The following CNTNAP3B variants were observed in gnomAD, a reference collection of about 807,000 sequenced individuals.
The protein encoded by CNTNAP3B is contactin-associated protein-like 3B.
Under a neutral mutation model 108.9 loss-of-function variants are expected in CNTNAP3B, and 25 were observed. The observed-to-expected ratio is 0.23, with a 90% CI of 0.17 to 0.32. CNTNAP3B has a LOEUF of 0.32. Ranked by LOEUF, CNTNAP3B falls within the 10% of genes least tolerant of loss-of-function variation. The probability of loss-of-function intolerance (pLI) is 1.00; values close to 1 mark genes in which losing one functional copy is unlikely to be tolerated. For synonymous variants in CNTNAP3B, 103 were observed against 473.4 expected, an observed-to-expected ratio of 0.22 and a Z score of 10.16; for missense variants, 252 against 1,210.4, an observed-to-expected ratio of 0.21 and a Z score of 11.75.
Position 41,994,559 on chromosome 9 carries a change from C to A in CNTNAP3B, c.1071+1646G>T, listed in dbSNP as rs1421280627. The A allele has an allele frequency of 6.2e-5, 16 of 256,828 alleles. 1 individual carries two copies. In the African/African-American group the frequency reaches 8.7e-4, roughly 14 times the overall value. 15.9% of individuals were successfully genotyped at this position (256,828 alleles called of 1,614,324 possible). On this transcript the variant is annotated intron_variant, in intron 7 of 23. Transcript: ENST00000377561. ...TTTCATGTATCTTGATGGTATTTTT[C>A]ATTTTTATGATCTCAGCAGGGTGCT...
chr9:41,926,915 C>A (rs1292011796), intron 15 of CNTNAP3B: 1 of 152,338 alleles, frequency 6.6e-6, no homozygotes, highest in Non-Finnish European at 1.5e-5. Context: ...TTGAGAAGTA[C>A]AGAGTACCTA....
rs1396498076 is a variant in CNTNAP3B at position 42,116,991 on chromosome 9, T to C, written c.85+12019A>G. 4.3e-5 allele frequency among the ~76,000 whole-genome samples: 6 copies of C among 139,574 alleles called. 2 individuals are homozygous for C. Among genetic ancestry groups the C allele is most frequent in the Admixed American group, 2.1e-4 (3 of 14,042 alleles). 91.6% of individuals were successfully genotyped at this position (139,574 alleles called of 152,430 possible). On this transcript the variant is annotated intron_variant, in intron 1 of 23. Coordinates refer to ENST00000377561, the MANE Select transcript of CNTNAP3B (RefSeq NM_001201380.3). ...AAGAGTTAAATATCCTAAATATATA[T>C]GCACCCAGTACAGGAGCACCCAGAC...
chr9:42,115,426 C>T (rs1211012596), intron 1 of CNTNAP3B, among the ~76,000 whole-genome samples: 1 of 138,374 alleles, frequency 7.2e-6, no homozygotes, highest in Non-Finnish European at 1.5e-5. Context: ...TAAGTGGGTC[C>T]CTGACCCCTG....
intron 1 of CNTNAP3B, among the ~76,000 whole-genome samples, chr9:42,116,993 C>T (rs1432062399): frequency 7.2e-6 from 1 of 139,470 alleles, no homozygotes; most frequent in Non-Finnish European, 1.5e-5. Context: ...AATATATATG[C>T]ACCCAGTACA....
At chr9:42,096,755 T>C (rs1827909922) in intron 2 of CNTNAP3B, among the ~76,000 whole-genome samples, 1 of 112,964 alleles carries the variant, frequency 8.9e-6, no homozygotes, top group Non-Finnish European at 1.8e-5. Context: ...GATTCATCCC[T>C]ACATGAAAAA....
chr9:41,941,197 G>A (rs1824331889), intron 13 of CNTNAP3B, among the ~76,000 whole-genome samples: 1 of 150,762 alleles, frequency 6.6e-6, no homozygotes, highest in Admixed American at 6.6e-5. Context: ...ACCAAGCAAC[G>A]AGTAAGAAAA....
intron 13 of CNTNAP3B, among the ~76,000 whole-genome samples, chr9:41,945,471 A>G (rs1453826880): frequency 2.6e-5 from 4 of 152,304 alleles, no homozygotes; most frequent in South Asian, 2.1e-4. Context: ...TTGTAGGGCC[A>G]TGGATGAAGC....
chr9:42,042,429 G>A (rs1254672120), intron 3 of CNTNAP3B, among the ~76,000 whole-genome samples: 4 of 140,842 alleles, frequency 2.8e-5, no homozygotes, highest in South Asian at 2.3e-4. Context: ...AGTACACTCA[G>A]CAGCCCTCCA....
intron 9 of CNTNAP3B, among the ~76,000 whole-genome samples, chr9:41,973,182 C>T (rs539606835): frequency 2.1e-5 from 3 of 144,274 alleles, no homozygotes; most frequent in South Asian, 2.4e-4. Flanking sequence ...CTCCTGACCT[C>T]GTGATCCACC....
chr9:42,097,902 T>A (rs1827942614), intron 2 of CNTNAP3B, among the ~76,000 whole-genome samples: 1 of 138,664 alleles, frequency 7.2e-6, no homozygotes, highest in Non-Finnish European at 1.5e-5. Flanking sequence ...TGAAGTCCAA[T>A]CATGGGACTT....
rs1172081572 is a variant in CNTNAP3B at position 41,995,763 on chromosome 9, C to T, written c.1071+442G>A. Among the ~76,000 whole-genome samples, 4 of 133,766 alleles carry T rather than the reference C, an allele frequency of 3.0e-5. 1 individual carries two copies. The highest frequency in any genetic ancestry group is 4.7e-5 in the Non-Finnish European group (3 of 63,324). The allele number at this position is 133,766 out of a possible 152,430, so 87.8% of individuals were successfully genotyped here. On this transcript the variant is annotated intron_variant, in intron 7 of 23. Coordinates refer to ENST00000377561, the MANE Select transcript of CNTNAP3B (RefSeq NM_001201380.3). Reference sequence around the variant, plus strand: ...AAAAAAAAAAAAAATTGGCCAGGCCCGGTGGCTCACACCTGTAATCCCAGC... The same window carrying T: ...AAAAAAAAAAAAAATTGGCCAGGCCTGGTGGCTCACACCTGTAATCCCAGC...
intron 2 of CNTNAP3B, 30 bp from the exon 3 acceptor site, chr9:42,077,092 G>T: frequency 2.0e-6 from 3 of 1,532,516 alleles, no homozygotes; most frequent in Non-Finnish European, 2.6e-6. Context: ...GTATAAAAAT[G>T]GTAGAGGAGG....
At chr9:41,934,443 G>A (rs1370783024) in intron 14 of CNTNAP3B, among the ~76,000 whole-genome samples, 28 of 152,216 alleles carry the variant, frequency 1.8e-4, no homozygotes, top group South Asian at 2.1e-4. Context: ...GGATGGTCTC[G>A]ATCTTCTGAC....
At chr9:42,103,141 A>T (rs1455736409) in intron 2 of CNTNAP3B, among the ~76,000 whole-genome samples, 1 of 121,622 alleles carries the variant, frequency 8.2e-6, no homozygotes, top group Admixed American at 8.3e-5. Flanking sequence ...GTTTTCCTTT[A>T]CCCCCTGTGC....
At chr9:41,925,616 A>G (rs1823796857) in intron 15 of CNTNAP3B, among the ~76,000 whole-genome samples, 1 of 152,270 alleles carries the variant, frequency 6.6e-6, no homozygotes, top group Non-Finnish European at 1.5e-5. Context: ...CAAACAAACC[A>G]AGAAATAGCT....
chr9:41,953,665 TA>T (rs1320073074), intron 12 of CNTNAP3B, among the ~76,000 whole-genome samples: 6 of 148,282 alleles, frequency 4.0e-5, no homozygotes, highest in African/African-American at 1.5e-4. Context: ...ACCATTTTTT[TA>T]TATCAACACA....
At position 41,983,944 on chromosome 9, in the gene CNTNAP3B, G is replaced by A. The variant is rs1306407474; in HGVS notation, c.1477+2224C>T. Among the ~76,000 whole-genome samples, 3 of 99,704 alleles carry A rather than the reference G, an allele frequency of 3.0e-5. 1 individual carries two copies. Among genetic ancestry groups the A allele is most frequent in the African/African-American group, 1.2e-4 (3 of 25,452 alleles). 65.4% of individuals were successfully genotyped at this position (99,704 alleles called of 152,430 possible). ...GGGTGCCTGTAGTCCCAGCTACTCAGGAGGCTGAGGCAGGAGAATGGCGTG... is the reference window on the plus strand; with the variant it reads ...GGGTGCCTGTAGTCCCAGCTACTCAAGAGGCTGAGGCAGGAGAATGGCGTG... On this transcript the variant is annotated intron_variant, in intron 9 of 23. Transcript: ENST00000377561.
chr9:41,934,117 A>ATG (rs1824071681), intron 14 of CNTNAP3B, among the ~76,000 whole-genome samples: 5 of 135,746 alleles, frequency 3.7e-5, no homozygotes, highest in African/African-American at 1.5e-4. Context: ...ATATATATAT[A>ATG]TATATACACA....
chr9:41,942,363 C>G (rs1381432419), intron 13 of CNTNAP3B, among the ~76,000 whole-genome samples: 1 of 152,236 alleles, frequency 6.6e-6, no homozygotes, highest in East Asian at 1.9e-4. Context: ...GTAATCCCAG[C>G]ATTTTGGGAG....
Sources: allele counts gnomAD v4.1 joint callset (sites outside exome capture counted in the v4.1 genomes callset), GRCh38; gene constraint gnomAD v4.1.1; transcripts MANE v1.5; gene names NCBI Gene and HGNC (gene_info 2026-07-23, HGNC 2026-07-21).